The following WDPCP variants were observed in gnomAD, a reference collection of about 807,000 sequenced individuals.
WDPCP encodes the protein WD repeat-containing and planar cell polarity effector protein fritz homolog.
A neutral mutation model predicts 93.1 loss-of-function variants in WDPCP; 71 were observed. The ratio of observed to expected loss-of-function variants is 0.76; its 90% CI spans 0.63 to 0.93. The LOEUF (loss-of-function observed/expected upper bound fraction) is 0.93. WDPCP is among the 40% of genes least tolerant of loss of function. The pLI is 0.00. For synonymous variants in WDPCP, 315 were observed against 315.0 expected, an observed-to-expected ratio of 1.00 and a Z score of 0.00; for missense variants, 844 against 887.4, an observed-to-expected ratio of 0.95 and a Z score of 0.62.
intron 2 of WDPCP, among the ~76,000 whole-genome samples, chr2:63,699,384 A>G (rs1321409155): frequency 1.3e-5 from 2 of 152,228 alleles, no homozygotes; most frequent in Non-Finnish European, 2.9e-5. Flanking sequence ...CACTCAAGCA[A>G]TTTGCAGGAC....
intron 10 of WDPCP, among the ~76,000 whole-genome samples, chr2:63,402,165 C>T (rs763970670): frequency 4.6e-5 from 7 of 151,992 alleles, no homozygotes; most frequent in African/African-American, 7.3e-5. Flanking sequence ...TGTCCTTTGC[C>T]GGGACATGGA....
chr2:63,816,285 C>T (rs987838980), intron 1 of WDPCP, among the ~76,000 whole-genome samples: 1 of 152,084 alleles, frequency 6.6e-6, no homozygotes, highest in Non-Finnish European at 1.5e-5. Flanking sequence ...AAAAGAAATA[C>T]TTCAGATGTA....
intron 1 of WDPCP, chr2:63,571,236 G>A (rs1362809293): frequency 7.9e-6 from 3 of 378,778 alleles, no homozygotes; most frequent in Non-Finnish European, 1.0e-5. Flanking sequence ...ACATTACCAT[G>A]TGTCACTTTC....
At chr2:63,423,736 G>A (rs1015116284) in intron 9 of WDPCP, among the ~76,000 whole-genome samples, 4 of 152,114 alleles carry the variant, frequency 2.6e-5, no homozygotes, top group Non-Finnish European at 5.9e-5. Context: ...TCAAGCTGAA[G>A]GTGTTTGTTG....
chr2:63,594,605 A>AT, intron 3 of WDPCP: 1 of 1,522,128 alleles, frequency 6.6e-7, no homozygotes, highest in South Asian at 1.1e-5. Flanking sequence ...AGGTGTCTAT[A>AT]AATCTTAAGT....
chr2:63,777,932 C>T (rs1167027200), intron 2 of WDPCP, among the ~76,000 whole-genome samples: 1 of 152,068 alleles, frequency 6.6e-6, no homozygotes, highest in Non-Finnish European at 1.5e-5. Context: ...TGCAATTATA[C>T]CTCAATAAAG....
chr2:63,534,315 A>ATTTGGAATAGT (rs1704095859), intron 1 of WDPCP, among the ~76,000 whole-genome samples: 1 of 152,220 alleles, frequency 6.6e-6, no homozygotes, highest in South Asian at 2.1e-4. Context: ...TTCTGAAACT[A>ATTTGGAATAGT]TTCCAATCAA....
intron 2 of WDPCP, among the ~76,000 whole-genome samples, chr2:63,728,640 C>G (rs746865201): frequency 1.3e-5 from 2 of 152,048 alleles, no homozygotes; most frequent in Non-Finnish European, 2.9e-5. Context: ...GACTGAGGCT[C>G]AAGGTTAAGT....
At chr2:63,409,703 CAG>C (rs1191437125) in intron 9 of WDPCP, among the ~76,000 whole-genome samples, 1 of 152,062 alleles carries the variant, frequency 6.6e-6, no homozygotes, top group Non-Finnish European at 1.5e-5. Context: ...AAAGAAAAAA[CAG>C]TGAAAAATTC....
At chr2:63,638,748 C>T (rs1190414459) in intron 3 of WDPCP, among the ~76,000 whole-genome samples, 1 of 151,036 alleles carries the variant, frequency 6.6e-6, no homozygotes, top group Non-Finnish European at 1.5e-5. Flanking sequence ...GTGATTACAC[C>T]ACTGCACTCC....
At chr2:63,654,847 A>C (rs993500999) in intron 2 of WDPCP, among the ~76,000 whole-genome samples, 2 of 151,666 alleles carry the variant, frequency 1.3e-5, no homozygotes, top group Non-Finnish European at 2.9e-5. Flanking sequence ...TTTTTTTTTA[A>C]TTTTCAAATA....
Position 63,259,379 on chromosome 2 carries a change from C to A in WDPCP, c.1843G>T (p.Glu615Ter). 1 of 1,612,224 alleles carries A rather than the reference C, an allele frequency of 6.2e-7. No homozygotes were observed. The highest frequency in any genetic ancestry group is 2.2e-5 in the East Asian group (1 of 44,768). The change falls in exon 14 of 18, where the codon GAA becomes TAA. Residue 615 changes from glutamate to a stop codon, truncating the protein, a stop_gained. Transcript: ENST00000272321. LOFTEE classifies it high-confidence loss of function. ...CTTGCCACTTCAGCTAGTGCCAATT[C>A]ACCTTTATCTAGTGCAAGGTAATGA... ...DIHYLALDKGELALAEVARKR... is the reference protein window; with the variant it reads ...DIHYLALDKG
intron 1 of WDPCP, among the ~76,000 whole-genome samples, chr2:63,585,163 G>C (rs895856116): frequency 6.6e-6 from 1 of 152,122 alleles, no homozygotes; most frequent in Non-Finnish European, 1.5e-5. Flanking sequence ...TTCTCATTGA[G>C]ACTACAGTTT....
upstream of WDPCP, chr2:63,593,765 T>C (rs1709248258): frequency 2.2e-6 from 1 of 449,732 alleles, no homozygotes. Flanking sequence ...TTCTTTTTAA[T>C]AGATATATTT....
intron 13 of WDPCP, among the ~76,000 whole-genome samples, chr2:63,281,916 A>G (rs1683584818): frequency 6.6e-6 from 1 of 152,106 alleles, no homozygotes; most frequent in South Asian, 2.1e-4. Context: ...CTCAGAAATC[A>G]CCACTAAAGA....
chr2:63,728,502 G>A (rs564610196), intron 2 of WDPCP, among the ~76,000 whole-genome samples: 2 of 152,258 alleles, frequency 1.3e-5, no homozygotes, highest in East Asian at 1.9e-4. Context: ...CCTCACCCTT[G>A]TCCTGTGAAA....
At chr2:63,285,330 A>G (rs1683905332) in intron 13 of WDPCP, among the ~76,000 whole-genome samples, 1 of 150,664 alleles carries the variant, frequency 6.6e-6, no homozygotes, top group Non-Finnish European at 1.5e-5. Context: ...GCTACTCAGG[A>G]GGCTGAGGCG....
intron 13 of WDPCP, among the ~76,000 whole-genome samples, chr2:63,296,052 A>G (rs1396167436): frequency 6.6e-6 from 1 of 152,132 alleles, no homozygotes; most frequent in Non-Finnish European, 1.5e-5. Flanking sequence ...ACAAAATATT[A>G]GCAAACCAAA....
intron 1 of WDPCP, among the ~76,000 whole-genome samples, chr2:63,496,495 T>C (rs74698004): frequency 1.5e-3 from 235 of 152,222 alleles, no homozygotes; most frequent in Non-Finnish European, 2.1e-3. Context: ...ATAAGCAAAA[T>C]GAGATCTGTG....
Sources: gnomAD v4.1 joint callset for allele counts (sites outside exome capture counted in the v4.1 genomes callset) on GRCh38, gnomAD v4.1.1 for gene constraint, MANE v1.5 for transcripts, NCBI Gene and HGNC (gene_info 2026-07-23, HGNC 2026-07-21) for gene names.